CNKSR1: variants seen among roughly 807,000 people sequenced by gnomAD.
CNKSR1 encodes CNK homolog protein 1.
Under a neutral mutation model 95.6 loss-of-function variants are expected in CNKSR1, and 88 were observed. The ratio of observed to expected loss-of-function variants is 0.92; its 90% CI spans 0.78 to 1.10. CNKSR1 has a LOEUF of 1.10. CNKSR1 is among the 50% of genes least tolerant of loss of function. The pLI, the probability that CNKSR1 is intolerant of heterozygous loss-of-function variation, is 0.00. For missense variants in CNKSR1, 836 were observed against 912.0 expected, an observed-to-expected ratio of 0.92 and a Z score of 1.07; for synonymous variants, 355 against 369.7, an observed-to-expected ratio of 0.96 and a Z score of 0.46.
At position 26,181,902 on chromosome 1, in the gene CNKSR1, C is replaced by T; in HGVS notation, c.438C>T (p.Ile146=). The change falls in exon 4 of 21, where the codon ATC becomes ATT. Residue 146 remains isoleucine, a synonymous_variant. Coordinates refer to ENST00000361530, the MANE Select transcript of CNKSR1 (RefSeq NM_006314.3). ...HLNDFSACQE[I]RDLLEELSQV... ...ATGATTTCTCAGCATGCCAGGAGAT[C>T]CGAGACTTGTTGGAGGAGCTGAGCC... 6.2e-7 allele frequency: 1 copy of T among 1,614,068 alleles called. No homozygotes were observed. The highest frequency in any genetic ancestry group is 8.5e-7 in the Non-Finnish European group (1 of 1,179,944).
At position 26,183,773 on chromosome 1, in the gene CNKSR1, G is replaced by A. The variant is rs1265671497; in HGVS notation, c.798G>A (p.Glu266=). 1.9e-6 allele frequency: 3 copies of A among 1,613,728 alleles called. No individual in the cohort carries two copies. The highest frequency in any genetic ancestry group is 2.2e-5 in the East Asian group (1 of 44,862). The change falls in exon 9 of 21, where the codon GAG becomes GAA. Residue 266 remains glutamate, a synonymous_variant. Coordinates refer to ENST00000361530, the MANE Select transcript of CNKSR1 (RefSeq NM_006314.3). ...RKNMVRELLR[E]PAGLSLVLKK... Reference sequence around the variant, plus strand: ...ACATGGTGAGGGAACTGCTGCGGGAGCCAGCCGGACTCAGCTTAGTGCTGA... The same window carrying A: ...ACATGGTGAGGGAACTGCTGCGGGAACCAGCCGGACTCAGCTTAGTGCTGA...
intron 6 of CNKSR1, 118 bp from the exon 7 acceptor site, chr1:26,183,079 T>C: frequency 9.8e-7 from 1 of 1,021,514 alleles, no homozygotes; most frequent in South Asian, 1.3e-5. Flanking sequence ...CAGGACCAGC[T>C]TGGGGTCAGC....
intron 6 of CNKSR1, among the ~76,000 whole-genome samples, chr1:26,182,969 C>T (rs952645315): frequency 1.3e-5 from 2 of 152,062 alleles, no homozygotes; most frequent in African/African-American, 4.8e-5. Context: ...GAAGCTGGTA[C>T]CTCAGAAATC....
intron 20 of CNKSR1, 120 bp downstream of exon 20, chr1:26,189,073 T>C (rs1448343980): frequency 1.3e-5 from 18 of 1,344,768 alleles, no homozygotes; most frequent in Non-Finnish European, 8.4e-6. Flanking sequence ...CTCCGGACCC[T>C]GGGCTTAGCA....
In CNKSR1 at chr1:26,183,731, G is replaced by A; in HGVS notation, c.756G>A (p.Val252=). The A allele has an allele frequency of 3.1e-6, 5 of 1,610,364 alleles. No homozygotes were observed. Among genetic ancestry groups the A allele is most frequent in the Non-Finnish European group, 4.2e-6 (5 of 1,176,662 alleles). ...CAGCCAGTGTTTCTGTCCCCCAGGT[G>A]GGATGGCCCCGTAAGAACATGGTGA... ...EVVQINEQVV[V]GWPRKNMVRE... Residue 252 remains valine, a splice_region_variant and synonymous_variant, in exon 9 of 21, where the codon GTG becomes GTA. Coordinates refer to ENST00000361530, the MANE Select transcript of CNKSR1 (RefSeq NM_006314.3).
intron 14 of CNKSR1, among the ~76,000 whole-genome samples, chr1:26,185,929 T>C (rs2124514236): frequency 6.6e-6 from 1 of 152,332 alleles, no homozygotes; most frequent in Admixed American, 6.5e-5. Flanking sequence ...CATTCAGGAT[T>C]CAGGTGCCTA....
chr1:26,184,109 C>T lies in CNKSR1; in HGVS notation c.894C>T (p.Ser298=), dbSNP rs2088698648. The T allele has an allele frequency of 5.0e-6, 8 of 1,612,298 alleles. No individual in the cohort carries two copies. The highest frequency in any genetic ancestry group is 6.8e-6 in the Non-Finnish European group (8 of 1,179,610). ...TCCTGGACTCCCCGCACCAGAGGAGCCCATCACTGTCTCTGGCCCCACTGT... is the reference window on the plus strand; with the variant it reads ...TCCTGGACTCCCCGCACCAGAGGAGTCCATCACTGTCTCTGGCCCCACTGT... ...PQVLDSPHQR[S]PSLSLAPLSP... The change falls in exon 10 of 21, where the codon AGC becomes AGT. Residue 298 remains serine, a synonymous_variant. Transcript: ENST00000361530.
In CNKSR1 at chr1:26,185,002, G is replaced by T. The variant is rs1161469176; in HGVS notation, c.1136-12G>T. The T allele has an allele frequency of 6.3e-7, 1 of 1,590,716 alleles. No individual in the cohort carries two copies. On this transcript the variant is annotated splice_polypyrimidine_tract_variant and intron_variant, in intron 13 of 20. Coordinates refer to ENST00000361530, the MANE Select transcript of CNKSR1 (RefSeq NM_006314.3). ...AGCCCCTCACTGCCCAGCTTGTGCTGTGCTGCTACAGGCCTGGCGACCCGG... is the reference window on the plus strand; with the variant it reads ...AGCCCCTCACTGCCCAGCTTGTGCTTTGCTGCTACAGGCCTGGCGACCCGG...
At position 26,185,030 on chromosome 1, in the gene CNKSR1, G is replaced by A. The variant is rs746798618; in HGVS notation, c.1152G>A (p.Leu384=). The change falls in exon 14 of 21, where the codon CTG becomes CTA. Residue 384 remains leucine, a synonymous_variant. Coordinates refer to ENST00000361530, the MANE Select transcript of CNKSR1 (RefSeq NM_006314.3). ...RKKSKGLATR[L]SRRRVSCREL... ...CTGCTACAGGCCTGGCGACCCGGCT[G>A]AGCCGCCGGCGGGTGTCATGCCGTG... 76 of 1,600,022 alleles carry A rather than the reference G, an allele frequency of 4.7e-5. 1 individual carries two copies. The South Asian group carries it at 8.2e-4, about 17-fold the overall frequency.
chr1:26,180,673 TG>T (rs1167146276), intron 2 of CNKSR1, 41 bp from the exon 3 acceptor site: 3 of 1,614,028 alleles, frequency 1.9e-6, no homozygotes, highest in Admixed American at 1.7e-5. Context: ...GATGGGGGGC[TG>T]GCTGCTGCCA....
rs368318144 is a variant in CNKSR1, at chr1:26,188,510, G to C, written c.1590+7G>C. ...TGGGTCCCACTCAGCCTCGGTGAGTGGGGGGCTGCCGGGGGTAGGAGGTGG... is the reference window on the plus strand; with the variant it reads ...TGGGTCCCACTCAGCCTCGGTGAGTCGGGGGCTGCCGGGGGTAGGAGGTGG... On this transcript the variant is annotated splice_region_variant and intron_variant, in intron 18 of 20. Coordinates refer to ENST00000361530, the MANE Select transcript of CNKSR1 (RefSeq NM_006314.3). 30 of 1,602,296 alleles carry C rather than the reference G, an allele frequency of 1.9e-5. No homozygotes were observed. The highest frequency in any genetic ancestry group is 9.0e-5 in the East Asian group (4 of 44,412).
chr1:26,181,662 T>G, intron 3 of CNKSR1, 195 bp from the exon 4 acceptor site: 1 of 621,302 alleles, frequency 1.6e-6, no homozygotes, highest in Non-Finnish European at 2.9e-6. Context: ...GAACAGGGCT[T>G]GGCATGTGGT....
In CNKSR1 at chr1:26,189,669, C is replaced by A. The variant is rs1300267992; in HGVS notation, c.*121C>A. 4 of 781,394 alleles carry A rather than the reference C, an allele frequency of 5.1e-6. No homozygotes were observed. The African/African-American group carries it at 6.8e-5, about 13-fold the overall frequency. 48.4% of individuals were successfully genotyped at this position (781,394 alleles called of 1,614,324 possible). Reference sequence around the variant, plus strand: ...CAGGGTGGGAAGTAGTACTGCTAGTCATGGTCTCACCCCGAGCTGACCCCT... The same window carrying A: ...CAGGGTGGGAAGTAGTACTGCTAGTAATGGTCTCACCCCGAGCTGACCCCT... On this transcript the variant is annotated 3_prime_UTR_variant, in exon 21 of 21. Coordinates refer to ENST00000361530, the MANE Select transcript of CNKSR1 (RefSeq NM_006314.3).
intron 3 of CNKSR1, among the ~76,000 whole-genome samples, chr1:26,181,280 CAAAAAAAAAA>C (rs11392737): frequency 6.1e-5 from 3 of 49,158 alleles, no homozygotes; most frequent in Non-Finnish European, 8.3e-5. Context: ...GACTCCCTCT[CAAAAAAAAAA>C]AAAAAAAAAA....
chr1:26,179,197 A>G (rs926731367), intron 1 of CNKSR1, among the ~76,000 whole-genome samples: 1 of 152,196 alleles, frequency 6.6e-6, no homozygotes, highest in African/African-American at 2.4e-5. Context: ...GTTAGAGACA[A>G]ATGGTTATCT....
intron 4 of CNKSR1, 97 bp downstream of exon 4, chr1:26,182,038 G>A (rs2088655784): frequency 3.4e-6 from 4 of 1,177,468 alleles, no homozygotes; most frequent in Non-Finnish European, 5.1e-6. Flanking sequence ...TCGAGTATGA[G>A]GATTGAGACG....
At position 26,181,048 on chromosome 1, in the gene CNKSR1, A is replaced by C. The variant is rs903069388; in HGVS notation, c.392+152A>C. 3 of 901,180 alleles carry C rather than the reference A, an allele frequency of 3.3e-6. No homozygotes were observed. The African/African-American group carries it at 4.9e-5, about 15-fold the overall frequency. The allele number at this position is 901,180 out of a possible 1,614,324, so 55.8% of individuals were successfully genotyped here. A position where few individuals can be genotyped will look rare whatever the true frequency, so the allele number is the denominator to read the frequency against. The stretch of plus-strand genomic sequence containing the variant: ...TAATCCCAGCACTTTGGGAGGCCGA[A>C]GCGGGCAGATCACTTGAGGTCAGGA... On this transcript the variant is annotated intron_variant, in intron 3 of 20. Transcript: ENST00000361530.
chr1:26,180,527 C>T lies in CNKSR1; in HGVS notation c.127C>T (p.Pro43Ser). The T allele has an allele frequency of 6.2e-7, 1 of 1,614,202 alleles. No homozygotes were observed. Among genetic ancestry groups the T allele is most frequent in the Non-Finnish European group, 8.5e-7 (1 of 1,180,040 alleles). The change falls in exon 2 of 21, where the codon CCC (proline) becomes TCC (serine). Residue 43 changes from proline to serine, a missense_variant. Pro to Ser is a moderately conservative substitution (Grantham distance 74, BLOSUM62 -1). Coordinates refer to ENST00000361530, the MANE Select transcript of CNKSR1 (RefSeq NM_006314.3). Reference sequence around the variant, plus strand: ...TGGCAAGAACCTGCTCCAGCTCTGCCCCCAAAGCCTCGAGGCTCTGGCTGT... The same window carrying T: ...TGGCAAGAACCTGCTCCAGCTCTGCTCCCAAAGCCTCGAGGCTCTGGCTGT... ...LPGKNLLQLCPQSLEALAVRS... is the reference protein window; with the variant it reads ...LPGKNLLQLCSQSLEALAVRS...
chr1:26,188,171 C>A lies in CNKSR1; in HGVS notation c.1455-63C>A, dbSNP rs2088788852. ...ATTAGAAGATGATGTGGGTAAAAAGCCCCCAGCATACAAGAGGGCCCCAGT... is the reference window on the plus strand; with the variant it reads ...ATTAGAAGATGATGTGGGTAAAAAGACCCCAGCATACAAGAGGGCCCCAGT... On this transcript the variant is annotated intron_variant, in intron 16 of 20. Transcript: ENST00000361530. 5 of 1,400,998 alleles carry A rather than the reference C, an allele frequency of 3.6e-6. No homozygotes were observed. The South Asian group carries it at 5.8e-5, about 16-fold the overall frequency. 86.8% of individuals were successfully genotyped at this position (1,400,998 alleles called of 1,614,324 possible).
Sources: allele counts gnomAD v4.1 joint callset (sites outside exome capture counted in the v4.1 genomes callset), GRCh38; gene constraint gnomAD v4.1.1; transcripts MANE v1.5; gene names NCBI Gene and HGNC (gene_info 2026-07-23, HGNC 2026-07-21).